The following CYTIP variants were observed in gnomAD, a reference collection of about 807,000 sequenced individuals.
The protein encoded by CYTIP is cytohesin-interacting protein.
CYTIP carries 26 observed loss-of-function variants against 43.8 expected under a neutral mutation model. That is an observed-to-expected ratio of 0.59 (90% CI 0.44 to 0.82). The LOEUF is 0.82. Among genes scored for constraint, CYTIP ranks in the 40% least tolerant of loss-of-function variants. The probability of loss-of-function intolerance (pLI) is 0.00; values close to 1 mark genes in which losing one functional copy is unlikely to be tolerated. For missense variants in CYTIP, 426 were observed against 443.1 expected, an observed-to-expected ratio of 0.96 and a Z score of 0.35; for synonymous variants, 162 against 162.9, an observed-to-expected ratio of 0.99 and a Z score of 0.04.
chr2:157,428,289 T>C (rs1685645101), intron 5 of CYTIP, among the ~76,000 whole-genome samples: 1 of 152,214 alleles, frequency 6.6e-6, no homozygotes, highest in African/African-American at 2.4e-5. Context: ...AATTAAGCTG[T>C]ACCTCTCTAT....
chr2:157,441,170 G>A (rs1685906736), intron 1 of CYTIP, among the ~76,000 whole-genome samples: 1 of 152,184 alleles, frequency 6.6e-6, no homozygotes, highest in African/African-American at 2.4e-5. Context: ...ATGAGCTGTT[G>A]ACGTCAGCCC....
chr2:157,415,512 T>C lies in CYTIP; in HGVS notation c.*165A>G, dbSNP rs1685425335. The C allele has an allele frequency of 3.4e-6, 2 of 581,266 alleles. No homozygotes were observed. The highest frequency in any genetic ancestry group is 6.2e-6 in the Non-Finnish European group (2 of 324,834). 36.0% of individuals were successfully genotyped at this position (581,266 alleles called of 1,614,324 possible). A position where few individuals can be genotyped will look rare whatever the true frequency, so the allele number is the denominator to read the frequency against. ...ATTGGCTGTTTAGGTTGAAAAATGA[T>C]TTAAGAAGCATAAACTATAACACAA... On this transcript the variant is annotated 3_prime_UTR_variant, in exon 8 of 8. Coordinates refer to ENST00000264192, the MANE Select transcript of CYTIP (RefSeq NM_004288.5).
In CYTIP at chr2:157,415,910, C is replaced by G. The variant is rs1256753972; in HGVS notation, c.847G>C (p.Glu283Gln). 1 of 1,614,226 alleles carries G rather than the reference C, an allele frequency of 6.2e-7. No individual in the cohort carries two copies. The highest frequency in any genetic ancestry group is 1.7e-5 in the Admixed American group (1 of 60,028). Residue 283 changes from glutamate to glutamine, a missense_variant, in exon 8 of 8, where the codon GAG becomes CAG. Physicochemically the swap from Glu to Gln is conservative, Grantham distance 29. Transcript: ENST00000264192. ...TCCCCCTCCTTGGGGATAAAGCACT[C>G]ATCATCTGTACTCGTCTGCCGACTG... ...AFSRQTSTDD[E>Q]CFIPKEGDDF...
At position 157,416,152 on chromosome 2, in the gene CYTIP, C is replaced by T. The variant is rs2105130183; in HGVS notation, c.614-9G>A. 1 of 1,592,016 alleles carries T rather than the reference C, an allele frequency of 6.3e-7. No individual in the cohort carries two copies. The highest frequency in any genetic ancestry group is 8.6e-7 in the Non-Finnish European group (1 of 1,168,434). On this transcript the variant is annotated splice_polypyrimidine_tract_variant and intron_variant, in intron 7 of 7. Transcript: ENST00000264192. ...GCAATTAGCTGCATCACCTAGAGCACAAAGTCTACTGTGAAATGGATCTGT... is the reference window on the plus strand; with the variant it reads ...GCAATTAGCTGCATCACCTAGAGCATAAAGTCTACTGTGAAATGGATCTGT...
chr2:157,418,487 T>G (rs777177600), intron 7 of CYTIP, 36 bp downstream of exon 7: 1 of 1,545,212 alleles, frequency 6.5e-7, no homozygotes, highest in East Asian at 2.3e-5. Flanking sequence ...AAAGAAGTAA[T>G]GTTAGTGTGG....
At chr2:157,419,319 A>C (rs1481983465) in intron 6 of CYTIP, among the ~76,000 whole-genome samples, 1 of 152,142 alleles carries the variant, frequency 6.6e-6, no homozygotes, top group Admixed American at 6.5e-5. Context: ...TTCCACACAA[A>C]AAAGGAGAAC....
At position 157,421,949 on chromosome 2, in the gene CYTIP, T is replaced by C. The variant is rs150801550; in HGVS notation, c.547-3360A>G. ...CAGAAATAAATTCTATGGCAATATA[T>C]GGTTTAAATACACCTATCTGAAACA... On this transcript the variant is annotated intron_variant, in intron 6 of 7. Coordinates refer to ENST00000264192, the MANE Select transcript of CYTIP (RefSeq NM_004288.5). Among the ~76,000 whole-genome samples, 33 of 152,384 alleles carry C rather than the reference T, an allele frequency of 2.2e-4. No homozygotes were observed. The East Asian group carries it at 4.0e-3, about 19-fold the overall frequency.
chr2:157,436,372 C>G (rs1484687938), intron 1 of CYTIP, among the ~76,000 whole-genome samples: 1 of 152,060 alleles, frequency 6.6e-6, no homozygotes, highest in African/African-American at 2.4e-5. Context: ...CAGTCTCTCC[C>G]TTATATTGTA....
At chr2:157,418,723 T>A in intron 6 of CYTIP, 134 bp from the exon 7 acceptor site, 1 of 692,940 alleles carries the variant, frequency 1.4e-6, no homozygotes, top group Non-Finnish European at 2.2e-6. Flanking sequence ...TTCCATCTCA[T>A]CCATTTAAAA....
intron 3 of CYTIP, 55 bp downstream of exon 3, chr2:157,434,315 C>G (rs1685758454): frequency 7.5e-7 from 1 of 1,330,712 alleles, no homozygotes; most frequent in Admixed American, 1.7e-5. Context: ...CATAACATGA[C>G]ACTACCGGTG....
chr2:157,439,458 GA>G (rs761609562), intron 1 of CYTIP: 126 of 139,194 alleles, frequency 9.1e-4, no homozygotes, highest in Non-Finnish European at 8.8e-4. Context: ...TTTGCACTTT[GA>G]AAAAAAAAAA....
At position 157,415,541 on chromosome 2, in the gene CYTIP, T is replaced by C; in HGVS notation, c.*136A>G. 1 of 640,520 alleles carries C rather than the reference T, an allele frequency of 1.6e-6. No homozygotes were observed. The highest frequency in any genetic ancestry group is 2.8e-5 in the East Asian group (1 of 36,340). 39.7% of individuals were successfully genotyped at this position (640,520 alleles called of 1,614,324 possible). On this transcript the variant is annotated 3_prime_UTR_variant, in exon 8 of 8. Transcript: ENST00000264192. The stretch of plus-strand genomic sequence containing the variant: ...AGAAGCATAAACTATAACACAACAA[T>C]TTAAATAAAGGTCACTATTGCTGTG...
At chr2:157,424,133 A>G (rs940996842) in intron 6 of CYTIP, among the ~76,000 whole-genome samples, 3 of 152,194 alleles carry the variant, frequency 2.0e-5, no homozygotes, top group Non-Finnish European at 4.4e-5. Flanking sequence ...GAAGCAAAGT[A>G]AGAAAAAGAA....
rs756919260 is a variant in CYTIP at position 157,443,926 on chromosome 2, C to T, written c.95G>A (p.Gly32Asp). The T allele has an allele frequency of 1.1e-5, 18 of 1,614,024 alleles. No individual in the cohort carries two copies. The highest frequency in any genetic ancestry group is 8.3e-5 in the Admixed American group (5 of 59,986). Reference protein sequence around the residue: ...PAYSSYSTLTGSLTMDDNRRI... With the variant: ...PAYSSYSTLTDSLTMDDNRRI... ...TCTATTATCGTCCATCGTAAGGCTG[C>T]CGGTGAGTGTGGAGTAAGAGCTATA... The change falls in exon 1 of 8, where the codon GGC becomes GAC. Residue 32 changes from glycine to aspartate, a missense_variant. Transcript: ENST00000264192.
Position 157,421,514 on chromosome 2 carries a change from G to A in CYTIP, c.547-2925C>T, listed in dbSNP as rs189159995. 3.3e-3 allele frequency among the ~76,000 whole-genome samples: 505 copies of A among 152,268 alleles called. 3 individuals are homozygous for A. The highest frequency in any genetic ancestry group is 0.011 in the African/African-American group (464 of 41,548). On this transcript the variant is annotated intron_variant, in intron 6 of 7. Transcript: ENST00000264192. ...ACAGATTCGAAAATGAATATTCAAT[G>A]TAACAAAATATTTCCCAAGCAATAT...
intron 7 of CYTIP, among the ~76,000 whole-genome samples, chr2:157,417,635 A>C (rs1469501585): frequency 1.1e-4 from 17 of 152,198 alleles, no homozygotes; most frequent in Non-Finnish European, 1.6e-4. Context: ...TTTTTTAAAA[A>C]TATTAAATGA....
intron 7 of CYTIP, among the ~76,000 whole-genome samples, chr2:157,417,737 A>G (rs899498749): frequency 5.9e-5 from 9 of 152,206 alleles, no homozygotes; most frequent in Middle Eastern, 3.4e-3. Flanking sequence ...ACTCTAAGCC[A>G]TAAATTAGTG....
intron 3 of CYTIP, 51 bp from the exon 4 acceptor site, chr2:157,431,013 AT>A: frequency 7.0e-7 from 1 of 1,422,390 alleles, no homozygotes; most frequent in Non-Finnish European, 9.6e-7. Context: ...CTCAACATCT[AT>A]TTGCCAAAAT....
intron 6 of CYTIP, among the ~76,000 whole-genome samples, chr2:157,420,373 G>A (rs1685500303): frequency 6.6e-6 from 1 of 152,062 alleles, no homozygotes; most frequent in Non-Finnish European, 1.5e-5. Context: ...AAAATTAGCT[G>A]GGTGTGATGG....
Sources: gnomAD v4.1 joint callset for allele counts (sites outside exome capture counted in the v4.1 genomes callset) on GRCh38, gnomAD v4.1.1 for gene constraint, MANE v1.5 for transcripts, NCBI Gene and HGNC (gene_info 2026-07-23, HGNC 2026-07-21) for gene names.